TMEM217: variants seen among roughly 807,000 people sequenced by gnomAD.
TMEM217 encodes the protein transmembrane protein 217.
For missense variants in TMEM217, 204 were observed against 248.8 expected, an observed-to-expected ratio of 0.82 and a Z score of 1.21; for synonymous variants, 76 against 88.3, an observed-to-expected ratio of 0.86 and a Z score of 0.78.
chr6:37,252,477 A>T (rs1049431378), intron 1 of TMEM217, among the ~76,000 whole-genome samples: 13 of 151,720 alleles, frequency 8.6e-5, no homozygotes, highest in Non-Finnish European at 1.5e-4. Flanking sequence ...GTATACATAC[A>T]TAACATACAT....
chr6:37,248,663 G>C (rs941180295), intron 1 of TMEM217, among the ~76,000 whole-genome samples: 1 of 152,248 alleles, frequency 6.6e-6, no homozygotes, highest in East Asian at 1.9e-4. Flanking sequence ...CAATTACTAG[G>C]AGTCTCTTTA....
At chr6:37,230,885 G>T (rs1764165244) in intron 1 of TMEM217, among the ~76,000 whole-genome samples, 1 of 151,976 alleles carries the variant, frequency 6.6e-6, no homozygotes, top group African/African-American at 2.4e-5. Flanking sequence ...TTTGAGAAGG[G>T]TTTTAACAAT....
chr6:37,216,810 A>G (rs1763230097), downstream of TMEM217, among the ~76,000 whole-genome samples: 1 of 152,188 alleles, frequency 6.6e-6, no homozygotes. Context: ...GTGACCTTAT[A>G]AAGGGACAGG....
chr6:37,256,030 G>A (rs1765706698), intron 1 of TMEM217, among the ~76,000 whole-genome samples: 1 of 152,160 alleles, frequency 6.6e-6, no homozygotes, highest in South Asian at 2.1e-4. Context: ...AGAAAAAGGA[G>A]TATTTTGAGA....
chr6:37,249,306 T>C (rs1194189239), intron 1 of TMEM217, among the ~76,000 whole-genome samples: 1 of 150,216 alleles, frequency 6.7e-6, no homozygotes, highest in Non-Finnish European at 1.5e-5. Context: ...CTTTTCATTC[T>C]TCTTCTTCTT....
exon 1 of TMEM217, chr6:37,258,076 G>T: frequency 7.5e-7 from 1 of 1,340,952 alleles, no homozygotes; most frequent in Non-Finnish European, 1.0e-6. Context: ...CCAGAAGACT[G>T]GTTTGGGGAA....
At chr6:37,234,272 G>A (rs1171498304) in intron 1 of TMEM217, among the ~76,000 whole-genome samples, 2 of 151,962 alleles carry the variant, frequency 1.3e-5, no homozygotes, top group Admixed American at 1.3e-4. Flanking sequence ...GCTAACTTTT[G>A]TATTTTTAGT....
intron 1 of TMEM217, among the ~76,000 whole-genome samples, chr6:37,231,080 G>C (rs919665368): frequency 1.3e-4 from 20 of 151,578 alleles, no homozygotes; most frequent in African/African-American, 4.8e-4. Context: ...TTTTCTTTTT[G>C]AGATGGAGTC....
At chr6:37,224,429 T>C (rs933991166) in intron 1 of TMEM217, among the ~76,000 whole-genome samples, 1 of 150,150 alleles carries the variant, frequency 6.7e-6, no homozygotes, top group Non-Finnish European at 1.5e-5. Context: ...AAACCCTGTC[T>C]CTACTAAAAA....
At chr6:37,247,040 G>T (rs2113908778) in intron 1 of TMEM217, among the ~76,000 whole-genome samples, 1 of 152,288 alleles carries the variant, frequency 6.6e-6, no homozygotes, top group South Asian at 2.1e-4. Flanking sequence ...GACTAGAGTG[G>T]TCCTTCTACA....
chr6:37,234,652 C>G (rs995835252), intron 1 of TMEM217, among the ~76,000 whole-genome samples: 18 of 152,076 alleles, frequency 1.2e-4, no homozygotes, highest in Admixed American at 9.2e-4. Flanking sequence ...AAGAGAATTA[C>G]TTGAACCTAG....
At chr6:37,219,118 C>T (rs1763384572) in intron 1 of TMEM217, 77 bp from the exon 2 acceptor site, 6 of 1,279,416 alleles carry the variant, frequency 4.7e-6, no homozygotes, top group African/African-American at 3.0e-5. Flanking sequence ...TGCCTCCTTC[C>T]CCAAATCTAC....
At chr6:37,242,848 A>G (rs1350780417) in intron 1 of TMEM217, among the ~76,000 whole-genome samples, 1 of 152,116 alleles carries the variant, frequency 6.6e-6, no homozygotes, top group Non-Finnish European at 1.5e-5. Flanking sequence ...AGTGACTCAC[A>G]CCAGTATCCC....
chr6:37,216,322 G>A (rs959114488), downstream of TMEM217, among the ~76,000 whole-genome samples: 1 of 152,062 alleles, frequency 6.6e-6, no homozygotes, highest in African/African-American at 2.4e-5. Flanking sequence ...CAAGTGATCC[G>A]CCCGCTTTGG....
chr6:37,250,691 G>T (rs533252371), intron 1 of TMEM217, among the ~76,000 whole-genome samples: 3 of 152,228 alleles, frequency 2.0e-5, no homozygotes, highest in Non-Finnish European at 4.4e-5. Context: ...TCTCTCAGGC[G>T]TGCGTGTGCA....
chr6:37,242,310 C>G (rs1224969806), intron 1 of TMEM217, among the ~76,000 whole-genome samples: 1 of 152,194 alleles, frequency 6.6e-6, no homozygotes, highest in African/African-American at 2.4e-5. Context: ...ACCTGTACCT[C>G]TCTATTCCCC....
At chr6:37,244,808 C>G (rs1405615645) in intron 1 of TMEM217, among the ~76,000 whole-genome samples, 2 of 152,182 alleles carry the variant, frequency 1.3e-5, no homozygotes, top group African/African-American at 4.8e-5. Flanking sequence ...CAGCTGGACT[C>G]GCTCAAGTGT....
chr6:37,233,775 G>GTTGCTAACTAACT (rs1764338488), intron 1 of TMEM217, among the ~76,000 whole-genome samples: 1 of 152,108 alleles, frequency 6.6e-6, no homozygotes. Flanking sequence ...GCTAACTAAC[G>GTTGCTAACTAACT]AAGTTACTAA....
chr6:37,252,651 T>A (rs1315358530), intron 1 of TMEM217, among the ~76,000 whole-genome samples: 6 of 124,372 alleles, frequency 4.8e-5, no homozygotes, highest in Non-Finnish European at 8.8e-5. Context: ...TTTTTTTTTT[T>A]TTTTTTTTGA....
Sources: allele counts gnomAD v4.1 joint callset (sites outside exome capture counted in the v4.1 genomes callset), GRCh38; gene constraint gnomAD v4.1.1; transcripts MANE v1.5; gene names NCBI Gene and HGNC (gene_info 2026-07-23, HGNC 2026-07-21).